Variants in PTPRO observed in about 807,000 individuals in gnomAD.
PTPRO encodes the protein receptor-type tyrosine-protein phosphatase O.
PTPRO carries 62 observed loss-of-function variants against 145.2 expected under a neutral mutation model. That is an observed-to-expected ratio of 0.43 (90% confidence interval 0.35 to 0.53). The LOEUF is 0.53. Ranked by LOEUF, PTPRO falls within the 20% of genes least tolerant of loss-of-function variation. The pLI, the probability that PTPRO is intolerant of heterozygous loss-of-function variation, is 0.01. For synonymous variants in PTPRO, 565 were observed against 514.7 expected, an observed-to-expected ratio of 1.10 and a Z score of -1.32; for missense variants, 1,345 against 1,482.7, an observed-to-expected ratio of 0.91 and a Z score of 1.53.
intron 1 of PTPRO, among the ~76,000 whole-genome samples, chr12:15,464,370 T>C (rs2136402562): frequency 6.6e-6 from 1 of 151,004 alleles, no homozygotes; most frequent in South Asian, 2.1e-4. Context: ...GGGTTTTTTT[T>C]TGGAGACTGA....
intron 1 of PTPRO, among the ~76,000 whole-genome samples, chr12:15,360,875 TACACAC>T (rs1170471530): frequency 6.1e-5 from 8 of 130,564 alleles, no homozygotes; most frequent in African/African-American, 1.4e-4. Context: ...TGTGTGTATA[TACACAC>T]ATACACATGT....
At chr12:15,469,489 C>T (rs1344229619) in intron 1 of PTPRO, among the ~76,000 whole-genome samples, 1 of 152,028 alleles carries the variant, frequency 6.6e-6, no homozygotes, top group Non-Finnish European at 1.5e-5. Flanking sequence ...GTGGGCCGAC[C>T]CCCTACCCAG....
chr12:15,590,313 C>G (rs1007758335), intron 25 of PTPRO, among the ~76,000 whole-genome samples: 4 of 152,164 alleles, frequency 2.6e-5, no homozygotes, highest in Non-Finnish European at 5.9e-5. Context: ...GGTGTGTACC[C>G]TTGTGGGCGC....
At chr12:15,468,235 G>A (rs1941461063) in intron 1 of PTPRO, among the ~76,000 whole-genome samples, 1 of 152,070 alleles carries the variant, frequency 6.6e-6, no homozygotes, top group African/African-American at 2.4e-5. Context: ...ACCCCCAATA[G>A]GAATTCTGGA....
At chr12:15,358,912 C>T (rs1433131710) in intron 1 of PTPRO, among the ~76,000 whole-genome samples, 1 of 152,202 alleles carries the variant, frequency 6.6e-6, no homozygotes, top group Non-Finnish European at 1.5e-5. Context: ...TCCAAAAGAT[C>T]CTTGGCATTT....
chr12:15,555,028 G>A (rs1002189781), intron 15 of PTPRO, among the ~76,000 whole-genome samples: 7 of 152,108 alleles, frequency 4.6e-5, no homozygotes, highest in Non-Finnish European at 1.0e-4. Flanking sequence ...TTGAGGTCAG[G>A]AGTTTGAGAC....
intron 1 of PTPRO, among the ~76,000 whole-genome samples, chr12:15,453,627 G>A (rs1054988045): frequency 6.6e-6 from 1 of 152,152 alleles, no homozygotes; most frequent in African/African-American, 2.4e-5. Flanking sequence ...AAAAAGTTAA[G>A]TGTATATTTG....
At chr12:15,399,650 C>A (rs1020121723) in intron 1 of PTPRO, among the ~76,000 whole-genome samples, 1 of 152,084 alleles carries the variant, frequency 6.6e-6, no homozygotes, top group Non-Finnish European at 1.5e-5. Context: ...ACTTATTTTT[C>A]ATATCTTGTG....
Position 15,568,711 on chromosome 12 carries a change from C to T in PTPRO, c.2748-706C>T, listed in dbSNP as rs557280455. ...CAAAAAAAAGTGAGAACTTCTGCTG[C>T]GGATGCAGAAACATAGCTCAGATGT... On this transcript the variant is annotated intron_variant, in intron 18 of 26. Transcript: ENST00000281171. Among the ~76,000 whole-genome samples, 6 of 152,296 alleles carry T rather than the reference C, an allele frequency of 3.9e-5. No homozygotes were observed. In the East Asian group the frequency reaches 5.8e-4, roughly 15 times the overall value.
intron 12 of PTPRO, among the ~76,000 whole-genome samples, chr12:15,536,090 C>G (rs1434108139): frequency 6.6e-6 from 1 of 152,134 alleles, no homozygotes; most frequent in Non-Finnish European, 1.5e-5. Context: ...AGAATATTTA[C>G]TTAGCATTTA....
chr12:15,501,550 A>T (rs1018728866), intron 4 of PTPRO, 70 bp from the exon 5 acceptor site: 2 of 1,393,748 alleles, frequency 1.4e-6, no homozygotes, highest in East Asian at 4.6e-5. Flanking sequence ...TACCTGACTC[A>T]TTAAGAGATT....
At chr12:15,539,761 C>CAAAAAAA (rs56061735) in intron 12 of PTPRO, among the ~76,000 whole-genome samples, 5 of 52,484 alleles carry the variant, frequency 9.5e-5, no homozygotes, top group African/African-American at 4.3e-4. Context: ...GACTCTGTCT[C>CAAAAAAA]AAAAAAAAAA....
At chr12:15,588,533 C>T (rs916294518) in intron 24 of PTPRO, among the ~76,000 whole-genome samples, 1 of 152,138 alleles carries the variant, frequency 6.6e-6, no homozygotes, top group Non-Finnish European at 1.5e-5. Context: ...CTGGCTGAGA[C>T]TGGGTCCAAA....
At chr12:15,399,076 A>G (rs1349056400) in intron 1 of PTPRO, among the ~76,000 whole-genome samples, 1 of 152,210 alleles carries the variant, frequency 6.6e-6, no homozygotes, top group Non-Finnish European at 1.5e-5. Context: ...ATGACTTCCA[A>G]GTTGTCCCCT....
rs1941839851 is a variant in PTPRO, at chr12:15,484,227, G to C, written c.329G>C (p.Arg110Thr). The change falls in exon 2 of 27, where the codon AGA becomes ACA. Residue 110 changes from arginine to threonine, a missense_variant. Coordinates refer to ENST00000281171, the MANE Select transcript of PTPRO (RefSeq NM_030667.3). ...GGAAATGTGGTGACCAAGCCATCCA[G>C]ATCAATCACTGTGTTAACAAGTAAG... ...VNGNVVTKPSRSITVLTKPLP... is the reference protein window; with the variant it reads ...VNGNVVTKPSTSITVLTKPLP... The C allele has an allele frequency of 6.2e-7, 1 of 1,613,368 alleles. No homozygotes were observed. Among genetic ancestry groups the C allele is most frequent in the Non-Finnish European group, 8.5e-7 (1 of 1,179,598 alleles).
At chr12:15,467,781 C>T (rs1941450654) in intron 1 of PTPRO, among the ~76,000 whole-genome samples, 1 of 152,220 alleles carries the variant, frequency 6.6e-6, no homozygotes, top group African/African-American at 2.4e-5. Context: ...TCCACAAATA[C>T]TGCTTCTGTG....
chr12:15,386,688 T>C (rs1312334582), intron 1 of PTPRO, among the ~76,000 whole-genome samples: 1 of 152,200 alleles, frequency 6.6e-6, no homozygotes, highest in Non-Finnish European at 1.5e-5. Context: ...ATTCTTTTGC[T>C]CTAAGAATTC....
chr12:15,555,661 T>C (rs764026977), intron 15 of PTPRO, among the ~76,000 whole-genome samples: 8 of 152,196 alleles, frequency 5.3e-5, no homozygotes, highest in Non-Finnish European at 4.4e-5. Context: ...TTGTGGTACA[T>C]ACCAAAGATA....
At chr12:15,496,372 C>A (rs910777489) in intron 2 of PTPRO, among the ~76,000 whole-genome samples, 19 of 151,924 alleles carry the variant, frequency 1.3e-4, no homozygotes. Context: ...AAACTCCCGA[C>A]CTCAGGTGAT....
Sources: gnomAD v4.1 joint callset for allele counts (sites outside exome capture counted in the v4.1 genomes callset) on GRCh38, gnomAD v4.1.1 for gene constraint, MANE v1.5 for transcripts, NCBI Gene and HGNC (gene_info 2026-07-23, HGNC 2026-07-21) for gene names.